Variants in LY75 observed in about 807,000 individuals in gnomAD.
The protein encoded by LY75 is C-type lectin domain family 13 member B.
Under a neutral mutation model 231.7 loss-of-function variants are expected in LY75, and 185 were observed. That is an observed-to-expected ratio of 0.80 (90% CI 0.71 to 0.90). LY75 has a LOEUF of 0.90. Among genes scored for constraint, LY75 ranks in the 40% least tolerant of loss-of-function variants. The pLI, the probability that LY75 is intolerant of heterozygous loss-of-function variation, is 0.00. For synonymous variants in LY75, 668 were observed against 689.0 expected, an observed-to-expected ratio of 0.97 and a Z score of 0.48; for missense variants, 1,947 against 2,050.2, an observed-to-expected ratio of 0.95 and a Z score of 0.97.
intron 23 of LY75, 119 bp from the exon 24 acceptor site, chr2:159,842,493 C>A: frequency 8.1e-7 from 1 of 1,231,306 alleles, no homozygotes; most frequent in East Asian, 3.1e-5. Context: ...CATGAAGGAC[C>A]TGACCATGAC....
intron 23 of LY75, among the ~76,000 whole-genome samples, chr2:159,847,678 G>T (rs1684244936): frequency 6.6e-6 from 1 of 152,154 alleles, no homozygotes; most frequent in Non-Finnish European, 1.5e-5. Context: ...CATCTTAACT[G>T]CTTGATATAT....
At chr2:159,887,211 TCACACACA>T (rs370794967) in intron 4 of LY75, among the ~76,000 whole-genome samples, 3,217 of 129,962 alleles carry the variant, frequency 0.025, 59 homozygotes, top group African/African-American at 0.057. Flanking sequence ...AGAGTGAGAG[TCACACACA>T]CACACACACA....
At chr2:159,848,093 T>TATAC in intron 23 of LY75, among the ~76,000 whole-genome samples, 12 of 28,558 alleles carry the variant, frequency 4.2e-4, no homozygotes, top group Middle Eastern at 0.014. Flanking sequence ...TATATATATA[T>TATAC]ACACACACAC....
chr2:159,867,263 T>A (rs1249859355), intron 13 of LY75, among the ~76,000 whole-genome samples: 1 of 152,142 alleles, frequency 6.6e-6, no homozygotes, highest in Non-Finnish European at 1.5e-5. Context: ...AATAGCGACA[T>A]GTATGTATTT....
intron 25 of LY75, 140 bp from the exon 26 acceptor site, chr2:159,835,785 G>T: frequency 9.0e-7 from 1 of 1,110,022 alleles, no homozygotes; most frequent in Non-Finnish European, 1.2e-6. Context: ...TACATAACAA[G>T]CATTGTTCTA....
At chr2:159,903,818 G>T (rs866445725) in intron 1 of LY75, among the ~76,000 whole-genome samples, 1 of 152,152 alleles carries the variant, frequency 6.6e-6, no homozygotes, top group Non-Finnish European at 1.5e-5. Flanking sequence ...CTGCCAAGGG[G>T]TGTGGTGTGG....
intron 26 of LY75, among the ~76,000 whole-genome samples, chr2:159,834,871 GTCT>G (rs1169627556): frequency 6.6e-6 from 1 of 152,176 alleles, no homozygotes; most frequent in Non-Finnish European, 1.5e-5. Flanking sequence ...ATGAAGCAGT[GTCT>G]TCTTTCTACC....
chr2:159,838,380 C>A (rs1485988948), intron 25 of LY75, among the ~76,000 whole-genome samples: 1 of 152,042 alleles, frequency 6.6e-6, no homozygotes, highest in Admixed American at 6.6e-5. Flanking sequence ...AGAAGTAAGA[C>A]CCAAATCATT....
chr2:159,870,313 T>C (rs2125866448), intron 13 of LY75, among the ~76,000 whole-genome samples: 1 of 152,142 alleles, frequency 6.6e-6, no homozygotes, highest in African/African-American at 2.4e-5. Context: ...TAGCTGGGTG[T>C]GGTGGCATGT....
intron 31 of LY75, among the ~76,000 whole-genome samples, chr2:159,815,155 C>T (rs749568172): frequency 5.3e-4 from 81 of 152,224 alleles, no homozygotes; most frequent in Middle Eastern, 3.4e-3. Flanking sequence ...CGCCCGCCAC[C>T]ATGCCCAGCT....
At position 159,850,850 on chromosome 2, in the gene LY75, TTTATA is replaced by T. The variant is rs1296338054; in HGVS notation, c.2884-388_2884-384del. On this transcript the variant is annotated intron_variant, in intron 21 of 34. Transcript: ENST00000263636. ...TGTATATTATATCTTTAATATATAT[TTTATA>T]TTATATCTTTATATATTTAAAGATC... is the stretch of plus-strand genomic sequence containing the variant. Among the ~76,000 whole-genome samples the T allele has an allele frequency of 2.1e-5, 3 of 141,438 alleles. No homozygotes were observed. In the East Asian group the frequency reaches 5.9e-4, roughly 28 times the overall value. The allele number at this position is 141,438 out of a possible 152,430, so 92.8% of individuals were successfully genotyped here. A position where few individuals can be genotyped will look rare whatever the true frequency, so the allele number is the denominator to read the frequency against.
intron 11 of LY75, among the ~76,000 whole-genome samples, chr2:159,877,028 A>AAAAAAAAAAAAAAAAAAAAAAAAAG (rs1553810533): frequency 1.7e-5 from 2 of 117,088 alleles, no homozygotes; most frequent in Admixed American, 9.3e-5. Flanking sequence ...AAAAAAAAAA[A>AAAAAAAAAAAAAAAAAAAAAAAAAG]AAAAAAGAAA....
At chr2:159,845,803 C>T (rs1025993405) in intron 23 of LY75, among the ~76,000 whole-genome samples, 8 of 151,566 alleles carry the variant, frequency 5.3e-5, no homozygotes, top group African/African-American at 1.9e-4. Flanking sequence ...TACACACATA[C>T]ACACATTATG....
At chr2:159,884,285 C>T (rs559480982) in intron 6 of LY75, among the ~76,000 whole-genome samples, 7 of 152,264 alleles carry the variant, frequency 4.6e-5, no homozygotes, top group African/African-American at 1.4e-4. Context: ...AGCATGAAAA[C>T]GGATGAATAC....
At chr2:159,858,611 G>T in intron 15 of LY75, 135 bp from the exon 16 acceptor site, 2 of 946,150 alleles carry the variant, frequency 2.1e-6, no homozygotes, top group Non-Finnish European at 2.9e-6. Context: ...ATGAACACAT[G>T]AATTAATGGA....
At chr2:159,821,317 T>C (rs1337652732) in intron 28 of LY75, among the ~76,000 whole-genome samples, 1 of 151,902 alleles carries the variant, frequency 6.6e-6, no homozygotes, top group Non-Finnish European at 1.5e-5. Context: ...ATAAAATCTT[T>C]AGAAGAAAAC....
chr2:159,845,674 A>C (rs780655710), intron 23 of LY75, among the ~76,000 whole-genome samples: 9 of 151,792 alleles, frequency 5.9e-5, no homozygotes, highest in Non-Finnish European at 1.2e-4. Context: ...AGATGATTTA[A>C]GTATACAGGA....
chr2:159,881,224 C>T lies in LY75; in HGVS notation c.1263G>A (p.Val421=), dbSNP rs1240858730. The T allele has an allele frequency of 1.2e-5, 19 of 1,610,954 alleles. No homozygotes were observed. In the East Asian group the frequency reaches 3.8e-4, roughly 32 times the overall value. The change falls in exon 8 of 35, where the codon GTG becomes GTA. Residue 421 remains valine (V), a synonymous_variant. Coordinates refer to ENST00000263636, the MANE Select transcript of LY75 (RefSeq NM_002349.4). ...KLHNEDIKEE[V]WIGLKNINIP... ...TGTTTATGTTCTTAAGGCCTATCCA[C>T]ACTTCTTCTTTGATATCTAAAAGAA... is the stretch of plus-strand genomic sequence containing the variant.
chr2:159,815,672 T>C, intron 30 of LY75, 99 bp from the exon 31 acceptor site: 1 of 1,396,068 alleles, frequency 7.2e-7, no homozygotes, highest in South Asian at 1.4e-5. Context: ...TATAATGGAA[T>C]ATTAATTATT....
Sources: gnomAD v4.1 joint callset for allele counts (sites outside exome capture counted in the v4.1 genomes callset) on GRCh38, gnomAD v4.1.1 for gene constraint, MANE v1.5 for transcripts, NCBI Gene and HGNC (gene_info 2026-07-23, HGNC 2026-07-21) for gene names.